The following ZNF423 variants were observed in gnomAD, a reference collection of about 807,000 sequenced individuals.
ZNF423 encodes zinc finger protein 423.
In ZNF423, 12 loss-of-function variants were observed where a neutral mutation model predicts 95.8. That is an observed-to-expected ratio of 0.13 (90% CI 0.08 to 0.20). The LOEUF is 0.20. ZNF423 is among the 10% of genes least tolerant of loss of function. The pLI is 1.00. For missense variants in ZNF423, 1,316 were observed against 1,737.1 expected (o/e 0.76, Z 4.31); for synonymous variants, 749 against 711.9 (o/e 1.05, Z -0.83).
rs1336562009 is a variant in ZNF423, at chr16:49,490,660, GTC to G, written c.*613_*614del. On this transcript the variant is annotated 3_prime_UTR_variant, in exon 8 of 8. Coordinates refer to ENST00000563137, the MANE Select transcript of ZNF423 (RefSeq NM_001379286.1). ...GTACTAGTTACTGCAGTCAGATTAA[GTC>G]ACATTTAAAAGCAGACCATCCAGTT... The G allele has an allele frequency of 6.5e-6, 1 of 154,230 alleles. No individual in the cohort carries two copies. The highest frequency in any genetic ancestry group is 2.4e-5 in the African/African-American group (1 of 41,430). The allele number at this position is 154,230 out of a possible 1,614,324, so 9.6% of individuals were successfully genotyped here.
intron 3 of ZNF423, among the ~76,000 whole-genome samples, chr16:49,665,575 A>C (rs933402228): frequency 3.9e-5 from 6 of 152,148 alleles, no homozygotes; most frequent in Admixed American, 6.5e-5. Flanking sequence ...GCAAGAGCAA[A>C]GGCCTGGAAG....
chr16:49,730,418 A>G (rs1596936370), intron 3 of ZNF423, among the ~76,000 whole-genome samples: 1 of 152,196 alleles, frequency 6.6e-6, no homozygotes, highest in Admixed American at 6.5e-5. Context: ...TCCACACTTA[A>G]GCTGCTTAAC....
At chr16:49,819,345 C>T (rs572854543) in intron 1 of ZNF423, among the ~76,000 whole-genome samples, 2 of 151,786 alleles carry the variant, frequency 1.3e-5, no homozygotes, top group South Asian at 2.1e-4. Flanking sequence ...CCATATTGGA[C>T]AGTACAGATA....
At chr16:49,740,512 T>C (rs1227345599) in intron 2 of ZNF423, among the ~76,000 whole-genome samples, 1 of 152,196 alleles carries the variant, frequency 6.6e-6, no homozygotes, top group East Asian at 1.9e-4. Flanking sequence ...GGCAGCGGGG[T>C]AACATTTAAC....
chr16:49,491,894 C>T (rs918865375), intron 7 of ZNF423, among the ~76,000 whole-genome samples: 1 of 152,180 alleles, frequency 6.6e-6, no homozygotes, highest in African/African-American at 2.4e-5. Context: ...GGCAGGAAGA[C>T]GCGGGAGGAG....
At chr16:49,514,600 A>G (rs1968056469) in intron 7 of ZNF423, among the ~76,000 whole-genome samples, 1 of 152,156 alleles carries the variant, frequency 6.6e-6, no homozygotes, top group Non-Finnish European at 1.5e-5. Flanking sequence ...GGCTCACCCT[A>G]TCGAAAGGGC....
chr16:49,839,870 C>T (rs1330005810), intron 1 of ZNF423, among the ~76,000 whole-genome samples: 1 of 152,206 alleles, frequency 6.6e-6, no homozygotes, highest in East Asian at 1.9e-4. Context: ...CATGAAGCAG[C>T]CCCCTTCACC....
At chr16:49,692,169 C>G (rs2031809574) in intron 3 of ZNF423, among the ~76,000 whole-genome samples, 2 of 152,016 alleles carry the variant, frequency 1.3e-5, no homozygotes, top group African/African-American at 4.8e-5. Context: ...TGCTCAGGCT[C>G]TTCTCAAACT....
chr16:49,507,824 C>T (rs559408690), intron 7 of ZNF423, among the ~76,000 whole-genome samples: 5 of 152,276 alleles, frequency 3.3e-5, no homozygotes, highest in East Asian at 1.9e-4. Context: ...AGTGTTTCAA[C>T]GGGGTTACAA....
intron 2 of ZNF423, among the ~76,000 whole-genome samples, chr16:49,737,181 A>G (rs2033307104): frequency 6.6e-6 from 1 of 152,044 alleles, no homozygotes; most frequent in African/African-American, 2.4e-5. Flanking sequence ...TGAGGAAAAA[A>G]AAAAAACAAG....
chr16:49,755,555 G>A (rs991682237), intron 2 of ZNF423, among the ~76,000 whole-genome samples: 1 of 152,134 alleles, frequency 6.6e-6, no homozygotes, highest in Non-Finnish European at 1.5e-5. Context: ...TGTGGCTGCG[G>A]TAATTAAGCC....
chr16:49,566,350 G>C (rs1970189537), intron 5 of ZNF423, among the ~76,000 whole-genome samples: 1 of 152,178 alleles, frequency 6.6e-6, no homozygotes, highest in African/African-American at 2.4e-5. Context: ...TAAAAGTCTG[G>C]GTCACCCAAC....
At chr16:49,665,416 G>A (rs2030488978) in intron 3 of ZNF423, among the ~76,000 whole-genome samples, 1 of 152,106 alleles carries the variant, frequency 6.6e-6, no homozygotes, top group African/African-American at 2.4e-5. Flanking sequence ...GCTAGGAGAA[G>A]TGTGTGGGGC....
intron 3 of ZNF423, among the ~76,000 whole-genome samples, chr16:49,639,094 G>A (rs923210670): frequency 2.1e-4 from 32 of 152,188 alleles, no homozygotes; most frequent in African/African-American, 4.6e-4. Flanking sequence ...AAGGGGGAGC[G>A]CCTTTTCCCT....
intron 3 of ZNF423, among the ~76,000 whole-genome samples, chr16:49,648,436 GTT>G (rs1596787629): frequency 1.0e-5 from 1 of 95,278 alleles, no homozygotes. Flanking sequence ...GAGGTCGGGA[GTT>G]CGAGACCAGC....
At chr16:49,732,285 G>T (rs189198801) in intron 2 of ZNF423, among the ~76,000 whole-genome samples, 2 of 152,278 alleles carry the variant, frequency 1.3e-5, no homozygotes, top group African/African-American at 4.8e-5. Flanking sequence ...GACACACCAG[G>T]AACTTGTAAA....
intron 1 of ZNF423, among the ~76,000 whole-genome samples, chr16:49,815,907 T>TAA (rs2034843954): frequency 2.3e-5 from 1 of 42,826 alleles, no homozygotes; most frequent in Non-Finnish European, 4.3e-5. Flanking sequence ...TATATATATA[T>TAA]ATATATATTT....
At chr16:49,569,950 A>C (rs1328794176) in intron 5 of ZNF423, among the ~76,000 whole-genome samples, 1 of 152,208 alleles carries the variant, frequency 6.6e-6, no homozygotes, top group Non-Finnish European at 1.5e-5. Context: ...CAACTTGCCC[A>C]GGGAATTCAG....
At chr16:49,494,497 G>T (rs561459832) in intron 7 of ZNF423, among the ~76,000 whole-genome samples, 1 of 152,224 alleles carries the variant, frequency 6.6e-6, no homozygotes, top group Admixed American at 6.5e-5. Context: ...CCTACCCCTC[G>T]AGGGGCCTGA....
Sources: gnomAD v4.1 joint callset for allele counts (sites outside exome capture counted in the v4.1 genomes callset) on GRCh38, gnomAD v4.1.1 for gene constraint, MANE v1.5 for transcripts, NCBI Gene and HGNC (gene_info 2026-07-23, HGNC 2026-07-21) for gene names.